The following NOL4 variants were observed in gnomAD, a reference collection of about 807,000 sequenced individuals.
The protein encoded by NOL4 is nucleolar protein 4.
NOL4 carries 17 observed loss-of-function variants against 75.9 expected under a neutral mutation model. That is an observed-to-expected ratio of 0.22 (90% CI 0.15 to 0.34). The LOEUF is 0.34. NOL4 is among the 10% of genes least tolerant of loss of function. The pLI, the probability that NOL4 is intolerant of heterozygous loss-of-function variation, is 1.00. For missense variants in NOL4, 614 were observed against 793.5 expected (o/e 0.77, Z 2.72); for synonymous variants, 292 against 289.9 (o/e 1.01, Z -0.07).
intron 1 of NOL4, among the ~76,000 whole-genome samples, chr18:34,141,891 C>T (rs1004774552): frequency 1.3e-5 from 2 of 152,132 alleles, no homozygotes; most frequent in African/African-American, 4.8e-5. Flanking sequence ...TCAGAGTGTA[C>T]AGGCAACCTA....
chr18:34,058,466 C>T (rs1019524494), intron 5 of NOL4, among the ~76,000 whole-genome samples: 1 of 152,078 alleles, frequency 6.6e-6, no homozygotes, highest in Non-Finnish European at 1.5e-5. Context: ...TTTGCCCCTG[C>T]TTTGTCCTGC....
At chr18:34,143,166 A>C (rs1382483213) in intron 1 of NOL4, among the ~76,000 whole-genome samples, 1 of 152,158 alleles carries the variant, frequency 6.6e-6, no homozygotes, top group East Asian at 1.9e-4. Context: ...CACAATGTAG[A>C]GTAGAGTGCG....
At chr18:33,866,659 A>G (rs151218572) in intron 10 of NOL4, among the ~76,000 whole-genome samples, 3 of 152,266 alleles carry the variant, frequency 2.0e-5, no homozygotes, top group Non-Finnish European at 2.9e-5. Context: ...AGGATAACCT[A>G]AAGTGAGAAT....
rs1223087174 is a variant in NOL4, at chr18:34,024,195, ATAT to A, written c.773-4597_773-4595del. Reference sequence around the variant, plus strand: ...AAAATAAACAGGAAAAAAAAAAAAAATATATATATATATATATATAAAATCCTC... The same window carrying A: ...AAAATAAACAGGAAAAAAAAAAAAAAATATATATATATATATAAAATCCTC... On this transcript the variant is annotated intron_variant, in intron 5 of 10. Coordinates refer to ENST00000261592, the MANE Select transcript of NOL4 (RefSeq NM_003787.5). Among the ~76,000 whole-genome samples, 71 of 83,614 alleles carry A rather than the reference ATAT, an allele frequency of 8.5e-4. 4 individuals carry two copies. The highest frequency in any genetic ancestry group is 1.8e-3 in the African/African-American group (39 of 21,456). The allele number at this position is 83,614 out of a possible 152,430, so 54.9% of individuals were successfully genotyped here. A position where few individuals can be genotyped will look rare whatever the true frequency, so the allele number is the denominator to read the frequency against.
At chr18:34,200,103 G>A (rs116144533) in intron 1 of NOL4, among the ~76,000 whole-genome samples, 3,019 of 151,930 alleles carry the variant, frequency 0.02, 47 homozygotes, top group Middle Eastern at 0.054. Context: ...AGCAAACTAA[G>A]AGTTGACAGA....
At chr18:34,116,459 C>T (rs778354709) in intron 2 of NOL4, among the ~76,000 whole-genome samples, 20 of 152,174 alleles carry the variant, frequency 1.3e-4, no homozygotes, top group Non-Finnish European at 2.2e-4. Context: ...TACTAGCCTT[C>T]GCCTTTAACA....
chr18:33,932,265 C>CA (rs1033522666), intron 9 of NOL4, among the ~76,000 whole-genome samples: 2 of 151,806 alleles, frequency 1.3e-5, no homozygotes, highest in African/African-American at 4.8e-5. Context: ...TTATAAATTG[C>CA]ACTTCAGGTC....
Position 33,958,267 on chromosome 18 carries a change from A to G in NOL4, c.1208T>C (p.Val403Ala), listed in dbSNP as rs1433225202. The G allele has an allele frequency of 3.7e-6, 6 of 1,613,654 alleles. No individual in the cohort carries two copies. In the South Asian group the frequency reaches 6.6e-5, roughly 18 times the overall value. ...DSEKVNETDG[V>A]EAERLKAFNM... ...AAAAGCTTTCAGCCGCTCGGCTTCAACGCCGTCTGTCTCATTAACTTTCTC... is the reference window on the plus strand; with the variant it reads ...AAAAGCTTTCAGCCGCTCGGCTTCAGCGCCGTCTGTCTCATTAACTTTCTC... Residue 403 changes from valine to alanine, a missense_variant, in exon 7 of 11, where the codon GTT becomes GCT. Physicochemically the swap from Val to Ala is moderately conservative, Grantham distance 64. Transcript: ENST00000261592.
chr18:34,198,828 T>C (rs1284136657), intron 1 of NOL4, among the ~76,000 whole-genome samples: 1 of 151,884 alleles, frequency 6.6e-6, no homozygotes, highest in Admixed American at 6.6e-5. Flanking sequence ...CTGTCAAATG[T>C]TGCTTTATAT....
chr18:34,064,918 AACACACACACACAC>A (rs66465203), intron 5 of NOL4, among the ~76,000 whole-genome samples: 1 of 95,562 alleles, frequency 1.0e-5, no homozygotes, highest in Non-Finnish European at 2.6e-5. Context: ...GGTATTTTTT[AACACACACACACAC>A]ACACACACAC....
At chr18:34,204,722 G>A (rs1200894308) in intron 1 of NOL4, among the ~76,000 whole-genome samples, 2 of 152,010 alleles carry the variant, frequency 1.3e-5, no homozygotes, top group African/African-American at 2.4e-5. Flanking sequence ...TTAGTCAGAG[G>A]TGGTACTTCA....
chr18:34,046,607 C>CATGTATATATATAT (rs2076377054), intron 5 of NOL4, among the ~76,000 whole-genome samples: 1 of 81,658 alleles, frequency 1.2e-5, no homozygotes, highest in Non-Finnish European at 2.4e-5. Flanking sequence ...TTTACTTATA[C>CATGTATATATATAT]ATATATATAT....
At chr18:33,857,376 C>T (rs767080702) in intron 10 of NOL4, among the ~76,000 whole-genome samples, 1 of 151,976 alleles carries the variant, frequency 6.6e-6, no homozygotes, top group Admixed American at 6.6e-5. Flanking sequence ...TTTTCTATTA[C>T]TGTGATTCAA....
intron 9 of NOL4, among the ~76,000 whole-genome samples, chr18:33,903,458 G>C (rs184556273): frequency 7.8e-4 from 119 of 152,236 alleles, no homozygotes; most frequent in African/African-American, 2.7e-3. Context: ...TCCTTGTGCT[G>C]TTAAGTTACA....
chr18:33,954,921 G>A (rs979378408), intron 8 of NOL4, among the ~76,000 whole-genome samples: 2 of 151,886 alleles, frequency 1.3e-5, no homozygotes, highest in African/African-American at 4.8e-5. Flanking sequence ...GGATACTATG[G>A]GATGCAATTA....
intron 6 of NOL4, among the ~76,000 whole-genome samples, chr18:34,018,042 T>TA (rs1233327540): frequency 4.0e-5 from 6 of 151,582 alleles, no homozygotes; most frequent in Admixed American, 2.0e-4. Context: ...AATAAGGGAA[T>TA]AAAAAAAAGA....
chr18:33,867,466 C>T (rs186993024), intron 10 of NOL4, among the ~76,000 whole-genome samples: 77 of 151,904 alleles, frequency 5.1e-4, no homozygotes, highest in Non-Finnish European at 4.4e-4. Context: ...TAAAAAATTG[C>T]GGCCTATTGA....
intron 6 of NOL4, among the ~76,000 whole-genome samples, chr18:33,966,472 A>G (rs1351141418): frequency 6.6e-6 from 1 of 152,190 alleles, no homozygotes; most frequent in Non-Finnish European, 1.5e-5. Context: ...GAAAGAAATA[A>G]AAGCCATCAA....
chr18:34,077,182 C>T (rs2077783975), intron 5 of NOL4, among the ~76,000 whole-genome samples: 1 of 152,062 alleles, frequency 6.6e-6, no homozygotes, highest in Non-Finnish European at 1.5e-5. Flanking sequence ...ATGGCACACC[C>T]CTGTGGGCCC....
Sources: gnomAD v4.1 joint callset for allele counts (sites outside exome capture counted in the v4.1 genomes callset) on GRCh38, gnomAD v4.1.1 for gene constraint, MANE v1.5 for transcripts, NCBI Gene and HGNC (gene_info 2026-07-23, HGNC 2026-07-21) for gene names.